Variants in DNAJB4 observed in about 807,000 individuals in gnomAD.
The protein encoded by DNAJB4 is dnaJ homolog subfamily B member 4.
A neutral mutation model predicts 26.6 loss-of-function variants in DNAJB4; 10 were observed. The ratio of observed to expected loss-of-function variants is 0.38; its 90% confidence interval spans 0.23 to 0.64. DNAJB4 has a LOEUF of 0.64. DNAJB4 is among the 30% of genes least tolerant of loss of function. The pLI, the probability that DNAJB4 is intolerant of heterozygous loss-of-function variation, is 0.58. For missense variants in DNAJB4, 328 were observed against 408.2 expected (o/e 0.80, Z 1.69); for synonymous variants, 136 against 134.8 (o/e 1.01, Z -0.06).
intron 1 of DNAJB4, among the ~76,000 whole-genome samples, chr1:77,997,635 G>A (rs1167186316): frequency 6.6e-6 from 1 of 151,968 alleles, no homozygotes; most frequent in Admixed American, 6.6e-5. Flanking sequence ...ATGCTCTTTT[G>A]CTTCTTGACT....
rs1162992736 is a variant in DNAJB4, at chr1:78,016,492, G to T, written c.*245G>T. On this transcript the variant is annotated 3_prime_UTR_variant, in exon 3 of 3. Transcript: ENST00000370763. The stretch of plus-strand genomic sequence containing the variant: ...CTGATTCAGATATTTTTAGTAATTT[G>T]CTTATATGTAAAAGTTGTTTTTGTG... 7 of 472,894 alleles carry T rather than the reference G, an allele frequency of 1.5e-5. No individual in the cohort carries two copies. Among genetic ancestry groups the T allele is most frequent in the Middle Eastern group, 5.7e-4 (1 of 1,764 alleles). 29.3% of individuals were successfully genotyped at this position (472,894 alleles called of 1,614,324 possible).
upstream of DNAJB4, among the ~76,000 whole-genome samples, chr1:78,000,013 G>A (rs1478522874): frequency 6.6e-6 from 1 of 152,120 alleles, no homozygotes; most frequent in Non-Finnish European, 1.5e-5. Flanking sequence ...TATTGGAACT[G>A]AAATACAATG....
At chr1:78,008,229 A>G (rs746250576) in intron 1 of DNAJB4, among the ~76,000 whole-genome samples, 1 of 152,098 alleles carries the variant, frequency 6.6e-6, no homozygotes, top group Non-Finnish European at 1.5e-5. Context: ...GGATAACTCA[A>G]ATTTACTTTT....
chr1:78,002,480 C>G (rs12086102), upstream of DNAJB4, among the ~76,000 whole-genome samples: 3,472 of 152,208 alleles, frequency 0.023, 141 homozygotes, highest in African/African-American at 0.079. Flanking sequence ...ATGCTTTACC[C>G]TATTTCATCT....
At chr1:78,003,230 G>C (rs1003580309), upstream of DNAJB4, among the ~76,000 whole-genome samples, 1 of 151,880 alleles carries the variant, frequency 6.6e-6, no homozygotes, top group Admixed American at 6.6e-5. Context: ...TTTAAAACTG[G>C]GAGTCTTAAG....
upstream of DNAJB4, among the ~76,000 whole-genome samples, chr1:78,003,214 A>G (rs1274694410): frequency 6.6e-6 from 1 of 152,068 alleles, no homozygotes; most frequent in African/African-American, 2.4e-5. Context: ...GTTTGGCAAT[A>G]TGCTTTTTAA....
intron 1 of DNAJB4, among the ~76,000 whole-genome samples, chr1:77,986,345 C>G (rs1438169043): frequency 6.6e-6 from 1 of 152,204 alleles, no homozygotes; most frequent in African/African-American, 2.4e-5. Flanking sequence ...CAGCCTGCAT[C>G]TAGTCTTCAT....
chr1:78,010,652 TA>T (rs1256327685), intron 1 of DNAJB4, among the ~76,000 whole-genome samples: 1 of 152,166 alleles, frequency 6.6e-6, no homozygotes, highest in Non-Finnish European at 1.5e-5. Context: ...GAGACCCTGT[TA>T]GATGAAATAG....
chr1:78,010,014 G>A (rs532501503), intron 1 of DNAJB4, among the ~76,000 whole-genome samples: 27 of 152,278 alleles, frequency 1.8e-4, no homozygotes, highest in African/African-American at 6.3e-4. Context: ...CCTCAAAGCT[G>A]CATTGGAGTC....
intron 1 of DNAJB4, among the ~76,000 whole-genome samples, chr1:78,007,987 G>A (rs1328881599): frequency 1.3e-5 from 2 of 152,214 alleles, no homozygotes; most frequent in South Asian, 2.1e-4. Context: ...GTATTTAGGA[G>A]TGAAAGAACC....
At chr1:78,014,243 G>A (rs1660574391) in intron 2 of DNAJB4, among the ~76,000 whole-genome samples, 1 of 151,746 alleles carries the variant, frequency 6.6e-6, no homozygotes, top group African/African-American at 2.4e-5. Flanking sequence ...AAGTAGCTGG[G>A]ATTACAGGCG....
At chr1:77,983,207 CAA>C (rs1244803085) in intron 1 of DNAJB4, among the ~76,000 whole-genome samples, 1 of 152,184 alleles carries the variant, frequency 6.6e-6, no homozygotes, top group Non-Finnish European at 1.5e-5. Context: ...ATAAACATCT[CAA>C]TGCTTTACAA....
At chr1:78,015,441 TTTC>T (rs1660608021) in intron 2 of DNAJB4, among the ~76,000 whole-genome samples, 2 of 112,064 alleles carry the variant, frequency 1.8e-5, no homozygotes, top group African/African-American at 6.5e-5. Flanking sequence ...TACCTTTTCT[TTTC>T]TTCTTCTTTT....
intron 1 of DNAJB4, among the ~76,000 whole-genome samples, chr1:77,980,593 A>G (rs1049853884): frequency 3.3e-5 from 5 of 152,294 alleles, no homozygotes; most frequent in Admixed American, 1.3e-4. Flanking sequence ...AATGAGGTAA[A>G]ATGAACTTTC....
upstream of DNAJB4, among the ~76,000 whole-genome samples, chr1:78,000,550 T>C (rs931288576): frequency 1.3e-5 from 2 of 152,196 alleles, no homozygotes; most frequent in Non-Finnish European, 2.9e-5. Flanking sequence ...GCAAATATAA[T>C]CACTTTTACA....
intron 1 of DNAJB4, among the ~76,000 whole-genome samples, chr1:77,983,047 A>T (rs1274347801): frequency 1.3e-5 from 2 of 152,144 alleles, no homozygotes; most frequent in Non-Finnish European, 2.9e-5. Context: ...CTTAGTATTT[A>T]TTGATCATTC....
intron 1 of DNAJB4, among the ~76,000 whole-genome samples, chr1:77,993,480 A>AT (rs1212786263): frequency 1.3e-5 from 2 of 151,496 alleles, no homozygotes; most frequent in Non-Finnish European, 2.9e-5. Flanking sequence ...CATCTGGCTA[A>AT]TTTTTTTGTA....
intron 1 of DNAJB4, among the ~76,000 whole-genome samples, chr1:77,986,047 T>C (rs1049795482): frequency 6.6e-6 from 1 of 152,160 alleles, no homozygotes; most frequent in Non-Finnish European, 1.5e-5. Context: ...AATGATCAGA[T>C]AGATCATTCA....
chr1:77,998,842 C>CTAAG (rs1660126034), intron 1 of DNAJB4, among the ~76,000 whole-genome samples: 1 of 150,118 alleles, frequency 6.7e-6, no homozygotes, highest in Non-Finnish European at 1.5e-5. Flanking sequence ...GATCCTGTCT[C>CTAAG]TAAATAAATA....
Sources: gnomAD v4.1 joint callset for allele counts (sites outside exome capture counted in the v4.1 genomes callset) on GRCh38, gnomAD v4.1.1 for gene constraint, MANE v1.5 for transcripts, NCBI Gene and HGNC (gene_info 2026-07-23, HGNC 2026-07-21) for gene names.